The following CA10 variants were observed in gnomAD, a reference collection of about 807,000 sequenced individuals.
CA10 encodes carbonic anhydrase 10 (inactive), also known as carbonic anhydrase-related protein 10.
A neutral mutation model predicts 44.2 loss-of-function variants in CA10; 14 were observed. The ratio of observed to expected loss-of-function variants is 0.32; its 90% confidence interval spans 0.21 to 0.50. The LOEUF (loss-of-function observed/expected upper bound fraction) is 0.50. Ranked by LOEUF, CA10 falls within the 20% of genes least tolerant of loss-of-function variation. The pLI is 0.99. For synonymous variants in CA10, 159 were observed against 141.6 expected, an observed-to-expected ratio of 1.12 and a Z score of -0.87; for missense variants, 350 against 409.7, an observed-to-expected ratio of 0.85 and a Z score of 1.26.
chr17:51,631,640 C>T, intron 8 of CA10, 34 bp from the exon 9 acceptor site: 1 of 1,581,934 alleles, frequency 6.3e-7, no homozygotes, highest in South Asian at 1.1e-5. Context: ...AAAAATCACA[C>T]ATACAACATA....
intron 2 of CA10, among the ~76,000 whole-genome samples, chr17:51,984,534 A>G (rs1334724289): frequency 6.6e-6 from 1 of 151,916 alleles, no homozygotes; most frequent in African/African-American, 2.4e-5. Flanking sequence ...ACATAGAAAC[A>G]AACAGACAAA....
intron 6 of CA10, among the ~76,000 whole-genome samples, chr17:51,646,140 G>A (rs1213221631): frequency 6.6e-6 from 1 of 152,188 alleles, no homozygotes; most frequent in Non-Finnish European, 1.5e-5. Context: ...TGTTTATTAC[G>A]CAGAAGTTGC....
chr17:51,832,910 T>C (rs1034468134), intron 3 of CA10, among the ~76,000 whole-genome samples: 4 of 152,082 alleles, frequency 2.6e-5, no homozygotes, highest in African/African-American at 9.7e-5. Flanking sequence ...ACATCACCTA[T>C]AGAGGTGATC....
chr17:52,065,286 A>G (rs147239768), intron 2 of CA10, among the ~76,000 whole-genome samples: 1 of 152,302 alleles, frequency 6.6e-6, no homozygotes, highest in African/African-American at 2.4e-5. Flanking sequence ...CTTTCCATTT[A>G]TAGCATGTAC....
chr17:51,775,855 C>T lies in CA10; in HGVS notation c.280-28037G>A, dbSNP rs185643834. Among the ~76,000 whole-genome samples the T allele has an allele frequency of 8.9e-4, 135 of 152,182 alleles. 1 individual carries two copies. Among genetic ancestry groups the T allele is most frequent in the African/African-American group, 2.9e-3 (121 of 41,520 alleles). Reference sequence around the variant, plus strand: ...GGAAGAATGAGGGATGATCTCTTCACGTGGTACTTGGGAACCTGAAGGGAG... The same window carrying T: ...GGAAGAATGAGGGATGATCTCTTCATGTGGTACTTGGGAACCTGAAGGGAG... On this transcript the variant is annotated intron_variant, in intron 3 of 8. Coordinates refer to ENST00000451037, the MANE Select transcript of CA10 (RefSeq NM_020178.5).
intron 3 of CA10, among the ~76,000 whole-genome samples, chr17:51,811,114 G>T (rs4793724): frequency 0.74 from 112,181 of 151,248 alleles, 41,881 homozygotes; most frequent in East Asian, 0.85. Flanking sequence ...GAGAATCGCT[G>T]GAACCCAGGA....
At chr17:51,810,343 T>C (rs1349551536) in intron 3 of CA10, among the ~76,000 whole-genome samples, 3 of 152,178 alleles carry the variant, frequency 2.0e-5, no homozygotes, top group Non-Finnish European at 4.4e-5. Context: ...AATTAAGTGA[T>C]TTTTTTGGAG....
intron 6 of CA10, among the ~76,000 whole-genome samples, chr17:51,646,554 AG>A (rs1367479464): frequency 6.6e-6 from 1 of 152,084 alleles, no homozygotes. Flanking sequence ...ATACCCTGAT[AG>A]GGCCCCCTGA....
Position 51,861,545 on chromosome 17 carries a change from T to G in CA10, c.279+69445A>C, listed in dbSNP as rs547082760. Reference sequence around the variant, plus strand: ...CTAGGTCACTATTGCAGATGTGTGTTTTTTTTTTTTTTAATGAGATGATTT... The same window carrying G: ...CTAGGTCACTATTGCAGATGTGTGTGTTTTTTTTTTTTAATGAGATGATTT... On this transcript the variant is annotated intron_variant, in intron 3 of 8. Transcript: ENST00000451037. Among the ~76,000 whole-genome samples the G allele has an allele frequency of 2.7e-3, 260 of 97,856 alleles. 1 individual carries two copies. Among genetic ancestry groups the G allele is most frequent in the African/African-American group, 9.8e-3 (135 of 13,740 alleles). The allele number at this position is 97,856 out of a possible 152,430, so 64.2% of individuals were successfully genotyped here. A position where few individuals can be genotyped will look rare whatever the true frequency, so the allele number is the denominator to read the frequency against.
intron 3 of CA10, among the ~76,000 whole-genome samples, chr17:51,916,428 T>C (rs1204976331): frequency 1.3e-5 from 2 of 152,198 alleles, no homozygotes; most frequent in African/African-American, 2.4e-5. Context: ...TTCCCATGTG[T>C]CATGAGACGG....
At position 52,000,830 on chromosome 17, in the gene CA10, G is replaced by A. The variant is rs571368283; in HGVS notation, c.137-69698C>T. Among the ~76,000 whole-genome samples, 3 of 134,390 alleles carry A rather than the reference G, an allele frequency of 2.2e-5. No individual in the cohort carries two copies. The East Asian group carries it at 7.7e-4, about 35-fold the overall frequency. The allele number at this position is 134,390 out of a possible 152,430, so 88.2% of individuals were successfully genotyped here. A position where few individuals can be genotyped will look rare whatever the true frequency, so the allele number is the denominator to read the frequency against. The stretch of plus-strand genomic sequence containing the variant: ...AACTGAGGTTCAAATATTAAGAGAG[G>A]TTAAGTTATCTCTATGTTGTATCAA... On this transcript the variant is annotated intron_variant, in intron 2 of 8. Coordinates refer to ENST00000451037, the MANE Select transcript of CA10 (RefSeq NM_020178.5).
intron 3 of CA10, among the ~76,000 whole-genome samples, chr17:51,769,913 T>C (rs1410741237): frequency 6.6e-6 from 1 of 152,056 alleles, no homozygotes; most frequent in Non-Finnish European, 1.5e-5. Flanking sequence ...TGGGGGTCCA[T>C]TTATGCTCAA....
chr17:52,098,722 C>T (rs916733724), intron 1 of CA10, among the ~76,000 whole-genome samples: 2 of 152,122 alleles, frequency 1.3e-5, no homozygotes, highest in African/African-American at 2.4e-5. Context: ...CCTACCTGTT[C>T]CTCTACCGGG....
At chr17:51,847,686 T>C (rs1033837536) in intron 3 of CA10, among the ~76,000 whole-genome samples, 1 of 152,150 alleles carries the variant, frequency 6.6e-6, no homozygotes, top group African/African-American at 2.4e-5. Context: ...GGATATGGTA[T>C]TTGTGCAGCA....
At chr17:52,018,047 G>C (rs1292858392) in intron 2 of CA10, among the ~76,000 whole-genome samples, 1 of 152,150 alleles carries the variant, frequency 6.6e-6, no homozygotes, top group Non-Finnish European at 1.5e-5. Flanking sequence ...CAGAACCCAA[G>C]AGTGAAGGAG....
chr17:51,850,147 ATAAACT>A (rs1426775596), intron 3 of CA10, among the ~76,000 whole-genome samples: 2 of 152,246 alleles, frequency 1.3e-5, no homozygotes, highest in African/African-American at 4.8e-5. Flanking sequence ...TCTATGAGAA[ATAAACT>A]TTAGCAAACT....
intron 3 of CA10, among the ~76,000 whole-genome samples, chr17:51,803,194 A>C (rs1907002990): frequency 6.6e-6 from 1 of 152,190 alleles, no homozygotes. Context: ...AGGCTGTTCA[A>C]GGAGATGGGT....
At chr17:52,131,881 A>G (rs1015547101) in intron 1 of CA10, among the ~76,000 whole-genome samples, 7 of 152,170 alleles carry the variant, frequency 4.6e-5, no homozygotes, top group Non-Finnish European at 1.0e-4. Flanking sequence ...GAAATTGGAA[A>G]TCATCATTCT....
chr17:51,914,863 C>T (rs888743448), intron 3 of CA10, among the ~76,000 whole-genome samples: 4 of 152,166 alleles, frequency 2.6e-5, no homozygotes, highest in African/African-American at 9.7e-5. Flanking sequence ...TTAACAACTG[C>T]ACATTTCAGT....
Sources: allele counts gnomAD v4.1 joint callset (sites outside exome capture counted in the v4.1 genomes callset), GRCh38; gene constraint gnomAD v4.1.1; transcripts MANE v1.5; gene names NCBI Gene and HGNC (gene_info 2026-07-23, HGNC 2026-07-21).